Variants in LTBP1 observed in about 807,000 individuals in gnomAD.
The protein encoded by LTBP1 is latent transforming growth factor beta binding protein 1.
A neutral mutation model predicts 207.6 loss-of-function variants in LTBP1; 129 were observed. That is an observed-to-expected ratio of 0.62 (90% confidence interval 0.54 to 0.72). The LOEUF (loss-of-function observed/expected upper bound fraction) is 0.72, where lower values mean the gene tolerates loss of function less well. Ranked by LOEUF, LTBP1 falls within the 30% of genes least tolerant of loss-of-function variation. The probability of loss-of-function intolerance (pLI) is 0.00; values close to 1 mark genes in which losing one functional copy is unlikely to be tolerated. For synonymous variants in LTBP1, 963 were observed against 833.7 expected, an observed-to-expected ratio of 1.16 and a Z score of -2.67; for missense variants, 2,281 against 2,217.2, an observed-to-expected ratio of 1.03 and a Z score of -0.58.
Position 33,078,857 on chromosome 2 carries a change from C to CTT in LTBP1, c.864-31722_864-31721dup, listed in dbSNP as rs879714056. On this transcript the variant is annotated intron_variant, in intron 3 of 33. Transcript: ENST00000404816. ...CTTCTCTTCTGTTTTCTTTTCTTTT[C>CTT]TTTTCTTTTTTTTTTTTTTTGAGAC... Among the ~76,000 whole-genome samples the CTT allele has an allele frequency of 2.5e-3, 226 of 92,154 alleles. 8 individuals are homozygous for CTT. The highest frequency in any genetic ancestry group is 5.7e-3 in the African/African-American group (176 of 30,974). The allele number at this position is 92,154 out of a possible 152,430, so 60.5% of individuals were successfully genotyped here. A position where few individuals can be genotyped will look rare whatever the true frequency, so the allele number is the denominator to read the frequency against.
chr2:32,961,091 C>T (rs774584432), intron 2 of LTBP1, among the ~76,000 whole-genome samples: 3 of 152,086 alleles, frequency 2.0e-5, no homozygotes, highest in Non-Finnish European at 4.4e-5. Context: ...AAATATCTTA[C>T]GTAGAAAATT....
intron 3 of LTBP1, among the ~76,000 whole-genome samples, chr2:33,075,426 A>C (rs1467294212): frequency 6.6e-6 from 1 of 152,234 alleles, no homozygotes; most frequent in Non-Finnish European, 1.5e-5. Flanking sequence ...TTAAACTTCA[A>C]ATTTTGAAAT....
At chr2:33,121,405 G>C (rs1406543209) in intron 4 of LTBP1, among the ~76,000 whole-genome samples, 1 of 152,100 alleles carries the variant, frequency 6.6e-6, no homozygotes, top group African/African-American at 2.4e-5. Context: ...AAAGCATCCG[G>C]AGAGCAGGTG....
chr2:32,980,840 C>G (rs1316564976), intron 2 of LTBP1, among the ~76,000 whole-genome samples: 1 of 152,084 alleles, frequency 6.6e-6, no homozygotes, highest in African/African-American at 2.4e-5. Flanking sequence ...GATATTTTTG[C>G]CATAGATACT....
At chr2:33,063,990 A>G (rs1324119214) in intron 3 of LTBP1, among the ~76,000 whole-genome samples, 3 of 151,964 alleles carry the variant, frequency 2.0e-5, no homozygotes, top group Admixed American at 6.6e-5. Context: ...AGTAGCTGAG[A>G]CTACAGGCAC....
chr2:33,052,898 G>A (rs184534944), intron 3 of LTBP1, among the ~76,000 whole-genome samples: 3 of 150,008 alleles, frequency 2.0e-5, no homozygotes, highest in African/African-American at 7.3e-5. Flanking sequence ...TTTTGAGATG[G>A]AGTCTCACTC....
At chr2:33,243,386 A>C (rs1484733614) in intron 9 of LTBP1, among the ~76,000 whole-genome samples, 2 of 152,210 alleles carry the variant, frequency 1.3e-5, no homozygotes, top group Admixed American at 1.3e-4. Context: ...CTAACACTAA[A>C]GCAAAAGCTC....
At chr2:33,017,502 T>TA (rs1396033252) in intron 2 of LTBP1, among the ~76,000 whole-genome samples, 1 of 152,204 alleles carries the variant, frequency 6.6e-6, no homozygotes, top group Non-Finnish European at 1.5e-5. Flanking sequence ...CTGGGCACCA[T>TA]ACTGTGAGAA....
At chr2:33,345,417 C>G (rs1428470624) in intron 25 of LTBP1, among the ~76,000 whole-genome samples, 1 of 152,228 alleles carries the variant, frequency 6.6e-6, no homozygotes, top group Non-Finnish European at 1.5e-5. Context: ...GGAAATATTT[C>G]TTGATTGAAT....
intron 25 of LTBP1, among the ~76,000 whole-genome samples, chr2:33,345,998 A>G (rs773477714): frequency 4.6e-5 from 7 of 152,234 alleles, no homozygotes; most frequent in Non-Finnish European, 8.8e-5. Context: ...AGGGCTGTGT[A>G]CTTGCAAAAT....
intron 2 of LTBP1, among the ~76,000 whole-genome samples, chr2:32,973,748 A>G (rs1311345824): frequency 6.6e-6 from 1 of 151,720 alleles, no homozygotes; most frequent in Non-Finnish European, 1.5e-5. Context: ...GCCCCTCACT[A>G]CCCTTCTCAG....
At chr2:33,352,009 A>G (rs1559053996) in intron 26 of LTBP1, among the ~76,000 whole-genome samples, 1 of 152,190 alleles carries the variant, frequency 6.6e-6, no homozygotes, top group African/African-American at 2.4e-5. Context: ...TGTGAGTGTC[A>G]TGCTCCTATT....
chr2:33,213,812 C>T (rs1010781901), intron 7 of LTBP1, among the ~76,000 whole-genome samples: 2 of 152,222 alleles, frequency 1.3e-5, no homozygotes, highest in African/African-American at 4.8e-5. Context: ...TTTCAAGACA[C>T]ACACAGTGTT....
intron 5 of LTBP1, among the ~76,000 whole-genome samples, chr2:33,142,807 T>C (rs1051199375): frequency 4.6e-5 from 7 of 152,224 alleles, no homozygotes; most frequent in Non-Finnish European, 8.8e-5. Flanking sequence ...GCCTGTATCT[T>C]GGGAGTGGAT....
Position 32,947,165 on chromosome 2 carries a change from C to T in LTBP1, c.-160C>T. ...CCGGGGTCTGGGGCCGCTCAGCTGC[C>T]CGCAGAGCCTCCTCCCTCGCCACCG... On this transcript the variant is annotated 5_prime_UTR_variant, in exon 1 of 34. Coordinates refer to ENST00000404816, the MANE Select transcript of LTBP1 (RefSeq NM_206943.4). 1 of 443,410 alleles carries T rather than the reference C, an allele frequency of 2.3e-6. No homozygotes were observed. Among genetic ancestry groups the T allele is most frequent in the Non-Finnish European group, 3.6e-6 (1 of 278,072 alleles). The allele number at this position is 443,410 out of a possible 1,614,324, so 27.5% of individuals were successfully genotyped here.
chr2:33,312,550 A>G (rs938448985), intron 23 of LTBP1, among the ~76,000 whole-genome samples: 1 of 151,988 alleles, frequency 6.6e-6, no homozygotes, highest in Non-Finnish European at 1.5e-5. Context: ...CCCAACTTAA[A>G]TATAGTCTGG....
At chr2:33,387,491 T>G (rs1297755985) in intron 31 of LTBP1, among the ~76,000 whole-genome samples, 8 of 152,226 alleles carry the variant, frequency 5.3e-5, no homozygotes, top group Admixed American at 5.2e-4. Context: ...GGAGTCTGGA[T>G]GTTGTTCCTG....
At chr2:33,015,660 C>T (rs1028502952) in intron 2 of LTBP1, among the ~76,000 whole-genome samples, 4 of 152,162 alleles carry the variant, frequency 2.6e-5, no homozygotes, top group Non-Finnish European at 5.9e-5. Context: ...AGTCACTTCT[C>T]ACACTGCTAT....
intron 7 of LTBP1, among the ~76,000 whole-genome samples, chr2:33,209,501 A>G (rs192437883): frequency 1.1e-4 from 17 of 152,332 alleles, no homozygotes; most frequent in Non-Finnish European, 2.4e-4. Flanking sequence ...TTGGAATTCC[A>G]TGATACCATG....
Sources: gnomAD v4.1 joint callset for allele counts (sites outside exome capture counted in the v4.1 genomes callset) on GRCh38, gnomAD v4.1.1 for gene constraint, MANE v1.5 for transcripts, NCBI Gene and HGNC (gene_info 2026-07-23, HGNC 2026-07-21) for gene names.